Variants in AFF3 observed in about 807,000 individuals in gnomAD.
AFF3 encodes ALF transcription elongation factor 3, also known as AF4/FMR2 family member 3.
Under a neutral mutation model 129.7 loss-of-function variants are expected in AFF3, and 32 were observed. The ratio of observed to expected loss-of-function variants is 0.25; its 90% confidence interval spans 0.19 to 0.33. The LOEUF is 0.33. AFF3 is among the 10% of genes least tolerant of loss of function. The pLI is 1.00. For synonymous variants in AFF3, 644 were observed against 635.4 expected (o/e 1.01, Z -0.20); for missense variants, 1,373 against 1,592.0 (o/e 0.86, Z 2.34).
rs1674735446 is a variant in AFF3 at position 99,554,515 on chromosome 2, G to C, written c.3355C>G (p.Pro1119Ala). 6.2e-7 allele frequency: 1 copy of C among 1,613,302 alleles called. No individual in the cohort carries two copies. The highest frequency in any genetic ancestry group is 1.7e-5 in the Admixed American group (1 of 59,928). Reference sequence around the variant, plus strand: ...GCGGGAGAGGGGTTGGGAGACATGGGGGATGGGGTTCCAGTGCTCCTGGAA... The same window carrying C: ...GCGGGAGAGGGGTTGGGAGACATGGCGGATGGGGTTCCAGTGCTCCTGGAA... ...ASGKSTGTPS[P>A]MSPNPSPASS... is the part of the protein sequence containing the mutation. The change falls in exon 24 of 25, where the codon CCC (proline) becomes GCC (alanine). Residue 1119 changes from proline to alanine, a missense_variant. Coordinates refer to ENST00000672756, the MANE Select transcript of AFF3 (RefSeq NM_001386135.1).
At chr2:99,857,183 A>G (rs1164898439) in intron 7 of AFF3, among the ~76,000 whole-genome samples, 1 of 152,184 alleles carries the variant, frequency 6.6e-6, no homozygotes, top group Non-Finnish European at 1.5e-5. Flanking sequence ...TTCACTCTAA[A>G]TAAATAAATA....
intron 17 of AFF3, among the ~76,000 whole-genome samples, chr2:99,581,789 T>C (rs917174762): frequency 2.0e-5 from 3 of 151,406 alleles, no homozygotes; most frequent in South Asian, 2.1e-4. Flanking sequence ...TGTTAGAGGC[T>C]GGCATGGCAG....
At chr2:99,860,685 A>G (rs1392777141) in intron 7 of AFF3, among the ~76,000 whole-genome samples, 1 of 152,114 alleles carries the variant, frequency 6.6e-6, no homozygotes, top group Non-Finnish European at 1.5e-5. Flanking sequence ...CTGAGACCAC[A>G]TCATTGCCTA....
chr2:99,884,116 A>G (rs542718463), intron 7 of AFF3, among the ~76,000 whole-genome samples: 5 of 152,246 alleles, frequency 3.3e-5, no homozygotes, highest in African/African-American at 1.2e-4. Context: ...CCATAAAGTA[A>G]TTTGATTATA....
At chr2:100,050,968 T>G (rs1686278561) in intron 4 of AFF3, among the ~76,000 whole-genome samples, 1 of 152,180 alleles carries the variant, frequency 6.6e-6, no homozygotes, top group Non-Finnish European at 1.5e-5. Flanking sequence ...TCTCCCATCC[T>G]CTCCTACCCA....
chr2:100,042,697 C>G (rs1559081598), intron 4 of AFF3, among the ~76,000 whole-genome samples: 4 of 152,172 alleles, frequency 2.6e-5, no homozygotes, highest in Non-Finnish European at 1.5e-5. Flanking sequence ...TAAGTCAAGA[C>G]ATGTCATATG....
intron 8 of AFF3, among the ~76,000 whole-genome samples, chr2:99,799,913 T>C (rs1015924882): frequency 6.6e-6 from 1 of 152,188 alleles, no homozygotes; most frequent in Non-Finnish European, 1.5e-5. Flanking sequence ...AAGTTGAATT[T>C]CCATCCACAC....
At chr2:100,027,744 A>G (rs542217953) in intron 4 of AFF3, among the ~76,000 whole-genome samples, 2 of 152,352 alleles carry the variant, frequency 1.3e-5, no homozygotes, top group African/African-American at 4.8e-5. Context: ...ACTTTAGATA[A>G]AAATGTGTTC....
chr2:100,081,611 CAAAAG>C (rs996681246), intron 4 of AFF3, among the ~76,000 whole-genome samples: 63 of 152,248 alleles, frequency 4.1e-4, no homozygotes, highest in African/African-American at 1.4e-3. Flanking sequence ...TATTCACAGA[CAAAAG>C]AATAGGGAGA....
At chr2:99,677,945 T>C (rs1674153369) in intron 11 of AFF3, among the ~76,000 whole-genome samples, 1 of 152,032 alleles carries the variant, frequency 6.6e-6, no homozygotes, top group African/African-American at 2.4e-5. Context: ...CAGCCTCCCA[T>C]GTATCTGGGA....
At chr2:99,669,850 C>T (rs1030434273) in intron 12 of AFF3, among the ~76,000 whole-genome samples, 12 of 151,962 alleles carry the variant, frequency 7.9e-5, no homozygotes, top group South Asian at 6.2e-4. Context: ...CTTAGGAGGC[C>T]GAGGCAGCAG....
At position 99,657,751 on chromosome 2, in the gene AFF3, A is replaced by T. The variant is rs184253911; in HGVS notation, c.1144-8085T>A. Among the ~76,000 whole-genome samples the T allele has an allele frequency of 5.3e-3, 801 of 152,328 alleles. 3 individuals are homozygous for T. Among genetic ancestry groups the T allele is most frequent in the Non-Finnish European group, 7.9e-3 (540 of 68,036 alleles). ...TTTATGTCTACTAGAAATTTGATAGACAATAAAAAACATTTATTGAGCACC... is the reference window on the plus strand; with the variant it reads ...TTTATGTCTACTAGAAATTTGATAGTCAATAAAAAACATTTATTGAGCACC... On this transcript the variant is annotated intron_variant, in intron 12 of 24. Transcript: ENST00000672756.
At chr2:100,090,086 C>T (rs1160810883) in intron 4 of AFF3, among the ~76,000 whole-genome samples, 1 of 109,130 alleles carries the variant, frequency 9.2e-6, no homozygotes, top group Non-Finnish European at 1.9e-5. Context: ...CTTTCCAGGT[C>T]ACTGAAGCAA....
intron 12 of AFF3, among the ~76,000 whole-genome samples, chr2:99,668,407 T>C (rs1011467344): frequency 2.0e-5 from 3 of 151,734 alleles, no homozygotes; most frequent in African/African-American, 7.3e-5. Context: ...CCTGACCTCA[T>C]GATCTGCTCT....
At chr2:99,559,949 C>T (rs192492383) in intron 21 of AFF3, among the ~76,000 whole-genome samples, 2 of 152,302 alleles carry the variant, frequency 1.3e-5, no homozygotes, top group Admixed American at 1.3e-4. Flanking sequence ...TCCCTTTTTT[C>T]TGTGGCATCA....
intron 4 of AFF3, among the ~76,000 whole-genome samples, chr2:100,024,927 A>G (rs1478515238): frequency 6.6e-6 from 1 of 152,092 alleles, no homozygotes; most frequent in Admixed American, 6.6e-5. Context: ...AGGAGTGGGG[A>G]AGAATTTATA....
intron 4 of AFF3, among the ~76,000 whole-genome samples, chr2:100,023,161 A>G (rs1216562238): frequency 6.6e-6 from 1 of 152,186 alleles, no homozygotes; most frequent in African/African-American, 2.4e-5. Flanking sequence ...GAATGGATGG[A>G]TGAATAAGTA....
intron 7 of AFF3, among the ~76,000 whole-genome samples, chr2:99,941,169 A>C (rs1675005315): frequency 6.6e-6 from 1 of 152,198 alleles, no homozygotes; most frequent in South Asian, 2.1e-4. Context: ...GGGTCTGACC[A>C]AGGGCCCGTC....
At chr2:99,664,019 T>A (rs1686463860) in intron 12 of AFF3, among the ~76,000 whole-genome samples, 1 of 152,254 alleles carries the variant, frequency 6.6e-6, no homozygotes. Context: ...ACATGCAATA[T>A]AATTAATCAG....
Sources: allele counts gnomAD v4.1 joint callset (sites outside exome capture counted in the v4.1 genomes callset), GRCh38; gene constraint gnomAD v4.1.1; transcripts MANE v1.5; gene names NCBI Gene and HGNC (gene_info 2026-07-23, HGNC 2026-07-21).